KCTD19: variants seen among roughly 807,000 people sequenced by gnomAD.
The protein encoded by KCTD19 is BTB/POZ domain-containing protein KCTD19.
Under a neutral mutation model 103.5 loss-of-function variants are expected in KCTD19, and 67 were observed. That is an observed-to-expected ratio of 0.65 (90% CI 0.53 to 0.79). The LOEUF (loss-of-function observed/expected upper bound fraction) is 0.79. Ranked by LOEUF, KCTD19 falls within the 30% of genes least tolerant of loss-of-function variation. The pLI is 0.00. For synonymous variants in KCTD19, 439 were observed against 452.2 expected, an observed-to-expected ratio of 0.97 and a Z score of 0.37; for missense variants, 980 against 1,136.1, an observed-to-expected ratio of 0.86 and a Z score of 1.98.
chr16:67,295,425 G>C lies in KCTD19; in HGVS notation c.1249-20C>G. On this transcript the variant is annotated intron_variant, in intron 8 of 15. Transcript: ENST00000304372. Reference sequence around the variant, plus strand: ...TGGATACTGGAGGGGGTTGGACACCGGACTCAGTCTCAGAGGCTAGGTCTT... The same window carrying C: ...TGGATACTGGAGGGGGTTGGACACCCGACTCAGTCTCAGAGGCTAGGTCTT... The C allele has an allele frequency of 6.2e-7, 1 of 1,601,718 alleles. No homozygotes were observed.
rs1196628392 is a variant in KCTD19, at chr16:67,326,577, G to A, written c.3+128C>T. 1.3e-5 allele frequency: 17 copies of A among 1,294,330 alleles called. No homozygotes were observed. The Admixed American group carries it at 3.6e-4, about 27-fold the overall frequency. The allele number at this position is 1,294,330 out of a possible 1,614,324, so 80.2% of individuals were successfully genotyped here. ...CCAGCCCCCCAAATCCTTCCCGGCT[G>A]GGGGCCCCTCGCTCTCTCCCATGCC... On this transcript the variant is annotated intron_variant, in intron 1 of 15. Coordinates refer to ENST00000304372, the MANE Select transcript of KCTD19 (RefSeq NM_001100915.3).
intron 2 of KCTD19, among the ~76,000 whole-genome samples, chr16:67,314,857 AGAGAGAGAGAGAGAGAGG>A (rs1203578273): frequency 2.0e-4 from 29 of 143,286 alleles, no homozygotes; most frequent in Admixed American, 2.7e-4. Context: ...AGAGAGAGAG[AGAGAGAGAGAGAGAGAGG>A]GGAAGGGTCT....
At chr16:67,324,658 A>G (rs1167873692) in intron 1 of KCTD19, among the ~76,000 whole-genome samples, 3 of 152,170 alleles carry the variant, frequency 2.0e-5, no homozygotes, top group Non-Finnish European at 4.4e-5. Flanking sequence ...AGAAAGGAAA[A>G]GCTCCCTGCT....
Position 67,295,247 on chromosome 16 carries a change from T to C in KCTD19, c.1391+16A>G, listed in dbSNP as rs747129181. On this transcript the variant is annotated intron_variant, in intron 9 of 15. Transcript: ENST00000304372. The stretch of plus-strand genomic sequence containing the variant: ...GCCTTCGTGATTTCATCTTACTGCG[T>C]CCTTGCTTCACTTACTTAAATTCAG... 1.1e-5 allele frequency: 18 copies of C among 1,613,340 alleles called. No homozygotes were observed. The highest frequency in any genetic ancestry group is 1.7e-4 in the Middle Eastern group (1 of 6,060).
chr16:67,307,717 C>T (rs1390009680), intron 2 of KCTD19, among the ~76,000 whole-genome samples: 1 of 152,186 alleles, frequency 6.6e-6, no homozygotes, highest in East Asian at 1.9e-4. Flanking sequence ...CCATATTGGC[C>T]TCCTGGGATT....
intron 4 of KCTD19, chr16:67,302,791 G>A (rs112496345): frequency 4.1e-5 from 10 of 246,440 alleles, no homozygotes; most frequent in Admixed American, 1.7e-4. Context: ...AACTGAGGCC[G>A]GAAGACCAGC....
rs1394447719 is a variant in KCTD19, at chr16:67,289,677, T to C, written c.2673A>G (p.Thr891=). Residue 891 remains threonine (T), a synonymous_variant, in exon 16 of 16, where the codon ACA becomes ACG. Coordinates refer to ENST00000304372, the MANE Select transcript of KCTD19 (RefSeq NM_001100915.3). ...QERLYSWVEL[T]LPFARKYGRC... is the part of the protein sequence containing the mutation. ...GGCCATATTTCCTGGCGAAGGGCAG[T>C]GTAAGCTGGAAGGAAAGGCCAGTCT... 3 of 1,612,480 alleles carry C rather than the reference T, an allele frequency of 1.9e-6. No individual in the cohort carries two copies. The highest frequency in any genetic ancestry group is 2.2e-5 in the East Asian group (1 of 44,876).
rs747646396 is a variant in KCTD19, at chr16:67,297,670, A to G, written c.987-7T>C. 2 of 1,613,108 alleles carry G rather than the reference A, an allele frequency of 1.2e-6. No homozygotes were observed. Among genetic ancestry groups the G allele is most frequent in the South Asian group, 2.2e-5 (2 of 91,004 alleles). ...GCAAGTCCCCAGCCAGTTCCTGCCCAGAGGAAAGGTCTGTCATGAAGAACA... is the reference window on the plus strand; with the variant it reads ...GCAAGTCCCCAGCCAGTTCCTGCCCGGAGGAAAGGTCTGTCATGAAGAACA... On this transcript the variant is annotated splice_region_variant and splice_polypyrimidine_tract_variant and intron_variant, in intron 6 of 15. Coordinates refer to ENST00000304372, the MANE Select transcript of KCTD19 (RefSeq NM_001100915.3).
At chr16:67,313,535 G>A (rs772241090) in intron 2 of KCTD19, among the ~76,000 whole-genome samples, 10 of 152,000 alleles carry the variant, frequency 6.6e-5, no homozygotes, top group Admixed American at 3.3e-4. Flanking sequence ...GCTGAATTTC[G>A]TCCATGGGCT....
chr16:67,326,726 G>C lies in KCTD19; in HGVS notation c.-19C>G, dbSNP rs200412656. ...GTACCATGGTCGCGGCTCCAGCAGCGGGCGGGCGGGCTTGTGACCCGGCCA... is the reference window on the plus strand; with the variant it reads ...GTACCATGGTCGCGGCTCCAGCAGCCGGCGGGCGGGCTTGTGACCCGGCCA... On this transcript the variant is annotated 5_prime_UTR_variant, in exon 1 of 16. Coordinates refer to ENST00000304372, the MANE Select transcript of KCTD19 (RefSeq NM_001100915.3). 8.3e-6 allele frequency: 13 copies of C among 1,570,052 alleles called. No homozygotes were observed. Among genetic ancestry groups the C allele is most frequent in the Middle Eastern group, 1.7e-4 (1 of 5,964 alleles).
At chr16:67,322,780 A>G (rs1332099061) in intron 1 of KCTD19, among the ~76,000 whole-genome samples, 1 of 152,264 alleles carries the variant, frequency 6.6e-6, no homozygotes, top group African/African-American at 2.4e-5. Context: ...GATAACTCAC[A>G]GAATGGAACA....
intron 2 of KCTD19, among the ~76,000 whole-genome samples, chr16:67,308,836 T>G (rs1567452230): frequency 6.6e-6 from 1 of 151,980 alleles, no homozygotes; most frequent in Non-Finnish European, 1.5e-5. Context: ...AAAGAATGCA[T>G]GAAAATGGAG....
At position 67,320,480 on chromosome 16, in the gene KCTD19, T is replaced by C; in HGVS notation, c.300+109A>G. 1 of 999,462 alleles carries C rather than the reference T, an allele frequency of 1.0e-6. No homozygotes were observed. The allele number at this position is 999,462 out of a possible 1,614,324, so 61.9% of individuals were successfully genotyped here. On this transcript the variant is annotated intron_variant, in intron 2 of 15. Coordinates refer to ENST00000304372, the MANE Select transcript of KCTD19 (RefSeq NM_001100915.3). The surrounding 1 kb of genome is among the most constrained non-coding windows in gnomAD (Gnocchi z 4.0). Reference sequence around the variant, plus strand: ...ATTACTTTAACACACTTATTACATTTGCCCATTAAGAGGGTCATCTCAGCA... The same window carrying C: ...ATTACTTTAACACACTTATTACATTCGCCCATTAAGAGGGTCATCTCAGCA...
intron 11 of KCTD19, 106 bp downstream of exon 11, chr16:67,294,474 T>C (rs1273226092): frequency 2.5e-6 from 2 of 801,658 alleles, no homozygotes; most frequent in Non-Finnish European, 4.2e-6. Flanking sequence ...GGCTCTGCTC[T>C]TTCATTTTGC....
At chr16:67,299,028 T>G (rs1330218565) in intron 6 of KCTD19, among the ~76,000 whole-genome samples, 1 of 152,256 alleles carries the variant, frequency 6.6e-6, no homozygotes, top group African/African-American at 2.4e-5. Flanking sequence ...TAGAGGGGTC[T>G]GCACAGGGAG....
rs1372168012 is a variant in KCTD19 at position 67,323,294 on chromosome 16, TA to T, written c.4-2410del. Among the ~76,000 whole-genome samples, 1 of 152,226 alleles carries T rather than the reference TA, an allele frequency of 6.6e-6. No individual in the cohort carries two copies. The highest frequency in any genetic ancestry group is 2.4e-5 in the African/African-American group (1 of 41,458). ...AATAGCCAAAAGGTTGGAATAAACC[TA>T]ATGTCCATCAACTGACAGATGAGTA... On this transcript the variant is annotated intron_variant, in intron 1 of 15. Coordinates refer to ENST00000304372, the MANE Select transcript of KCTD19 (RefSeq NM_001100915.3). This position sits in a 1 kb window ranked among gnomAD's most constrained non-coding sequence, Gnocchi z 4.1.
At chr16:67,302,053 A>C (rs2142508876) in intron 4 of KCTD19, 131 bp from the exon 5 acceptor site, 1 of 767,060 alleles carries the variant, frequency 1.3e-6, no homozygotes. Flanking sequence ...ACTTATCAAC[A>C]TACCTTATTA....
chr16:67,306,361 G>T (rs571326497), intron 2 of KCTD19, among the ~76,000 whole-genome samples: 1 of 152,296 alleles, frequency 6.6e-6, no homozygotes, highest in Admixed American at 6.5e-5. Flanking sequence ...CGCCTCCTGG[G>T]TTCAAGTGAT....
chr16:67,290,167 C>CTTTTTTTTTTTT (rs11296444), intron 15 of KCTD19, among the ~76,000 whole-genome samples: 1 of 69,282 alleles, frequency 1.4e-5, no homozygotes, highest in Non-Finnish European at 2.5e-5. Context: ...TGAATATTTT[C>CTTTTTTTTTTTT]TTTTTTTTTT....
Sources: allele counts gnomAD v4.1 joint callset (sites outside exome capture counted in the v4.1 genomes callset), GRCh38; gene constraint gnomAD v4.1.1; non-coding constraint Gnocchi (gnomAD v3.1); transcripts MANE v1.5; gene names NCBI Gene and HGNC (gene_info 2026-07-23, HGNC 2026-07-21).